Variants in ZHX3 observed in about 807,000 individuals in gnomAD.
The protein encoded by ZHX3 is zinc fingers and homeoboxes protein 3.
Under a neutral mutation model 64.5 loss-of-function variants are expected in ZHX3, and 20 were observed. The observed-to-expected ratio is 0.31, with a 90% CI of 0.22 to 0.45. ZHX3 has a LOEUF of 0.45. Among genes scored for constraint, ZHX3 ranks in the 20% least tolerant of loss-of-function variants. The pLI, the probability that ZHX3 is intolerant of heterozygous loss-of-function variation, is 1.00. For missense variants in ZHX3, 1,041 were observed against 1,195.8 expected (o/e 0.87, Z 1.91); for synonymous variants, 423 against 461.6 (o/e 0.92, Z 1.07).
intron 1 of ZHX3, among the ~76,000 whole-genome samples, chr20:41,269,750 T>C (rs1326628444): frequency 6.6e-6 from 1 of 152,050 alleles, no homozygotes; most frequent in African/African-American, 2.4e-5. Context: ...AGTAAAATGG[T>C]CCCAAAGCGA....
chr20:41,243,358 T>G (rs946615955), intron 2 of ZHX3, among the ~76,000 whole-genome samples: 2 of 152,202 alleles, frequency 1.3e-5, no homozygotes, highest in African/African-American at 4.8e-5. Context: ...AACAGTTCCA[T>G]TCTTCCCCAT....
intron 3 of ZHX3, chr20:41,196,504 ATAAAT>A (rs2146189075): frequency 2.2e-5 from 1 of 46,354 alleles, no homozygotes; most frequent in East Asian, 4.8e-4. Context: ...ATTATATATT[ATAAAT>A]ATATATTATA....
At chr20:41,250,835 C>G (rs2041956015) in intron 2 of ZHX3, among the ~76,000 whole-genome samples, 1 of 152,104 alleles carries the variant, frequency 6.6e-6, no homozygotes, top group African/African-American at 2.4e-5. Flanking sequence ...CAAGCGACAA[C>G]AGGTTTCTTA....
intron 3 of ZHX3, among the ~76,000 whole-genome samples, chr20:41,199,483 G>A (rs1345193042): frequency 6.6e-6 from 1 of 151,742 alleles, no homozygotes; most frequent in East Asian, 1.9e-4. Flanking sequence ...GGTCAGTGAA[G>A]TTTCTGTTGT....
At chr20:41,272,870 TC>T (rs1568929419) in intron 1 of ZHX3, among the ~76,000 whole-genome samples, 1 of 152,216 alleles carries the variant, frequency 6.6e-6, no homozygotes, top group Non-Finnish European at 1.5e-5. Context: ...ATACTTGTTT[TC>T]AATTACTGGA....
intron 2 of ZHX3, among the ~76,000 whole-genome samples, chr20:41,236,445 A>G (rs1442797969): frequency 2.0e-5 from 3 of 152,240 alleles, no homozygotes; most frequent in Non-Finnish European, 4.4e-5. Flanking sequence ...GGAACAGAAC[A>G]GAGCCCTCAG....
intron 3 of ZHX3, among the ~76,000 whole-genome samples, chr20:41,193,046 T>C (rs1193314130): frequency 6.6e-6 from 1 of 152,204 alleles, no homozygotes; most frequent in Non-Finnish European, 1.5e-5. Flanking sequence ...TTGTTTCCTG[T>C]CTCTTTTCCG....
At position 41,209,616 on chromosome 20, in the gene ZHX3, T is replaced by C. The variant is rs1214292403; in HGVS notation, c.-150-4550A>G. The stretch of plus-strand genomic sequence containing the variant: ...GGGAAAGGATTCCCTATTTAATAAA[T>C]GGTGCTGGGAAAACTGGCTAGCCAT... On this transcript the variant is annotated intron_variant, in intron 2 of 3. Coordinates refer to ENST00000683867, the MANE Select transcript of ZHX3 (RefSeq NM_001384317.1). 3.3e-5 allele frequency among the ~76,000 whole-genome samples: 5 copies of C among 152,168 alleles called. No individual in the cohort carries two copies. The East Asian group carries it at 7.7e-4, about 23-fold the overall frequency.
intron 2 of ZHX3, among the ~76,000 whole-genome samples, chr20:41,240,002 C>CTT (rs973655327): frequency 1.2e-4 from 17 of 144,908 alleles, no homozygotes; most frequent in African/African-American, 3.8e-4. Flanking sequence ...TAGGCCATTC[C>CTT]TTTTTTTTTT....
rs1217025322 is a variant in ZHX3, at chr20:41,202,673, G to A, written c.2244C>T (p.Ala748=). The change falls in exon 3 of 4, where the codon GCC becomes GCT. Residue 748 remains alanine, a synonymous_variant. Coordinates refer to ENST00000683867, the MANE Select transcript of ZHX3 (RefSeq NM_001384317.1). This position sits in a 1 kb window ranked among gnomAD's most constrained non-coding sequence, Gnocchi z 7.0. ...TTGACTCATCATCCTCAGGGTCACA[G>A]GCACCCAGCCCTGGAATCTCGTTCC... ...NGRNEIPGLG[A]CDPEDDESNK... The A allele has an allele frequency of 6.2e-7, 1 of 1,614,000 alleles. No individual in the cohort carries two copies. The highest frequency in any genetic ancestry group is 1.3e-5 in the African/African-American group (1 of 74,912).
At chr20:41,275,270 A>G (rs182996341) in intron 1 of ZHX3, among the ~76,000 whole-genome samples, 1 of 152,334 alleles carries the variant, frequency 6.6e-6, no homozygotes, top group East Asian at 1.9e-4. Flanking sequence ...CCAATTCCAT[A>G]TATTTTGCGA....
rs941867185 is a variant in ZHX3 at position 41,232,405 on chromosome 20, G to A, written c.-150-27339C>T. Among the ~76,000 whole-genome samples the A allele has an allele frequency of 6.6e-6, 1 of 152,162 alleles. No homozygotes were observed. The highest frequency in any genetic ancestry group is 2.4e-5 in the African/African-American group (1 of 41,438). On this transcript the variant is annotated intron_variant, in intron 2 of 3. Transcript: ENST00000683867. This position sits in a 1 kb window ranked among gnomAD's most constrained non-coding sequence, Gnocchi z 5.0. Reference sequence around the variant, plus strand: ...AGCCATGTCTGAACTCATCTGTTATGCTGGGAAAGCAGCAAGTGGGTAGGG... The same window carrying A: ...AGCCATGTCTGAACTCATCTGTTATACTGGGAAAGCAGCAAGTGGGTAGGG...
chr20:41,290,183 C>T (rs182617730), intron 1 of ZHX3: 61 of 152,296 alleles, frequency 4.0e-4, no homozygotes, highest in African/African-American at 1.3e-3. Flanking sequence ...TTATTGAATG[C>T]TGATTATGTG....
At chr20:41,302,287 A>G (rs2146813548) in intron 1 of ZHX3, among the ~76,000 whole-genome samples, 1 of 152,238 alleles carries the variant, frequency 6.6e-6, no homozygotes, top group East Asian at 1.9e-4. Flanking sequence ...GCACCACTGC[A>G]TCAATTTTCT....
At chr20:41,277,299 T>G (rs2043429803) in intron 1 of ZHX3, among the ~76,000 whole-genome samples, 1 of 152,212 alleles carries the variant, frequency 6.6e-6, no homozygotes, top group Admixed American at 6.5e-5. Flanking sequence ...CCCTATCTCT[T>G]ACAAAAGAAA....
chr20:41,206,505 A>G (rs866849127), intron 2 of ZHX3, among the ~76,000 whole-genome samples: 2 of 152,250 alleles, frequency 1.3e-5, no homozygotes, highest in Non-Finnish European at 2.9e-5. Flanking sequence ...TACATGACGC[A>G]TGCACAAGCT....
At position 41,196,634 on chromosome 20, in the gene ZHX3, C is replaced by T. The variant is rs537993077; in HGVS notation, c.2860+5423G>A. ...AATATAATATCCTTGTCTCTTGTAACCTTTCTTGATTTAACATTTATTTTG... is the reference window on the plus strand; with the variant it reads ...AATATAATATCCTTGTCTCTTGTAATCTTTCTTGATTTAACATTTATTTTG... On this transcript the variant is annotated intron_variant, in intron 3 of 3. Transcript: ENST00000683867. 337 of 116,894 alleles carry T rather than the reference C, an allele frequency of 2.9e-3. 1 individual carries two copies. Among genetic ancestry groups the T allele is most frequent in the South Asian group, 0.015 (62 of 4,118 alleles). 7.2% of individuals were successfully genotyped at this position (116,894 alleles called of 1,614,324 possible).
intron 2 of ZHX3, among the ~76,000 whole-genome samples, chr20:41,215,833 T>C (rs1051084981): frequency 6.8e-6 from 1 of 147,104 alleles, no homozygotes; most frequent in Non-Finnish European, 1.5e-5. Flanking sequence ...GCGCCTGTAG[T>C]CCCAGCCACT....
At chr20:41,246,654 C>T (rs2146481316) in intron 2 of ZHX3, among the ~76,000 whole-genome samples, 1 of 152,208 alleles carries the variant, frequency 6.6e-6, no homozygotes. Flanking sequence ...AGGTGGAACA[C>T]TTGAGGTCAG....
Sources: gnomAD v4.1 joint callset for allele counts (sites outside exome capture counted in the v4.1 genomes callset) on GRCh38, gnomAD v4.1.1 for gene constraint, Gnocchi (gnomAD v3.1) non-coding constraint, MANE v1.5 for transcripts, NCBI Gene and HGNC (gene_info 2026-07-23, HGNC 2026-07-21) for gene names.